The following ADGRB3 variants were observed in gnomAD, a reference collection of about 807,000 sequenced individuals.
ADGRB3 encodes adhesion G protein-coupled receptor B3, also known as brain-specific angiogenesis inhibitor 3.
ADGRB3 carries 37 observed loss-of-function variants against 193.4 expected under a neutral mutation model. The ratio of observed to expected loss-of-function variants is 0.19; its 90% CI spans 0.15 to 0.25. The LOEUF (loss-of-function observed/expected upper bound fraction) is 0.25, where lower values mean the gene tolerates loss of function less well. ADGRB3 is among the 10% of genes least tolerant of loss of function. ADGRB3 has a pLI of 1.00. For missense variants in ADGRB3, 1,637 were observed against 1,852.9 expected, an observed-to-expected ratio of 0.88 and a Z score of 2.14; for synonymous variants, 690 against 644.2, an observed-to-expected ratio of 1.07 and a Z score of -1.08.
intron 20 of ADGRB3, among the ~76,000 whole-genome samples, chr6:69,306,438 G>A (rs547764933): frequency 3.3e-5 from 5 of 151,310 alleles, no homozygotes; most frequent in Admixed American, 2.6e-4. Context: ...CTAAATCATG[G>A]ATTCATTAAG....
intron 3 of ADGRB3, among the ~76,000 whole-genome samples, chr6:68,668,058 G>A (rs1768845387): frequency 6.6e-6 from 1 of 151,830 alleles, no homozygotes; most frequent in Non-Finnish European, 1.5e-5. Context: ...GTACCATGTA[G>A]TATAAGCTAA....
intron 8 of ADGRB3, among the ~76,000 whole-genome samples, chr6:68,973,674 G>A (rs1768652818): frequency 6.6e-6 from 1 of 152,070 alleles, no homozygotes; most frequent in South Asian, 2.1e-4. Flanking sequence ...GCAACTTCAT[G>A]TGGCAAACAC....
At chr6:69,051,706 A>G (rs985246657) in intron 15 of ADGRB3, among the ~76,000 whole-genome samples, 13 of 152,186 alleles carry the variant, frequency 8.5e-5, no homozygotes, top group African/African-American at 3.1e-4. Context: ...TGCACCAATT[A>G]TAGGTCTGCT....
At chr6:68,688,385 T>C (rs1253497883) in intron 3 of ADGRB3, among the ~76,000 whole-genome samples, 1 of 152,152 alleles carries the variant, frequency 6.6e-6, no homozygotes, top group Non-Finnish European at 1.5e-5. Flanking sequence ...AAATATTCTA[T>C]ATTCTAAGAT....
chr6:69,319,257 A>G (rs1768389376), intron 20 of ADGRB3, among the ~76,000 whole-genome samples: 1 of 151,144 alleles, frequency 6.6e-6, no homozygotes, highest in African/African-American at 2.4e-5. Flanking sequence ...GATTATTTAA[A>G]AGCTTTTTCC....
At chr6:68,743,341 GTT>G (rs111910495) in intron 3 of ADGRB3, among the ~76,000 whole-genome samples, 4,909 of 115,786 alleles carry the variant, frequency 0.042, 143 homozygotes, top group African/African-American at 0.088. Context: ...TCTTCTACTT[GTT>G]TTTTTTTTTG....
At chr6:68,817,745 T>G (rs2127378926) in intron 3 of ADGRB3, among the ~76,000 whole-genome samples, 1 of 152,176 alleles carries the variant, frequency 6.6e-6, no homozygotes, top group South Asian at 2.1e-4. Context: ...TTACTGTTTT[T>G]CAAGCCAAAT....
intron 3 of ADGRB3, among the ~76,000 whole-genome samples, chr6:68,854,699 C>A (rs1463221836): frequency 6.6e-6 from 1 of 152,090 alleles, no homozygotes; most frequent in Non-Finnish European, 1.5e-5. Context: ...AGTGTCTGAA[C>A]TTCTAGATCT....
intron 3 of ADGRB3, among the ~76,000 whole-genome samples, chr6:68,703,037 G>T (rs1765269162): frequency 6.6e-6 from 1 of 152,224 alleles, no homozygotes; most frequent in South Asian, 2.1e-4. Flanking sequence ...AAATGCATCA[G>T]ATATAAGATG....
chr6:69,024,820 C>T (rs770442881), intron 13 of ADGRB3, among the ~76,000 whole-genome samples: 2 of 152,100 alleles, frequency 1.3e-5, no homozygotes, highest in East Asian at 1.9e-4. Flanking sequence ...CGACCGGGCA[C>T]GGTGGCTCAC....
intron 15 of ADGRB3, among the ~76,000 whole-genome samples, chr6:69,055,415 T>A (rs1281520343): frequency 6.6e-6 from 1 of 152,232 alleles, no homozygotes; most frequent in African/African-American, 2.4e-5. Flanking sequence ...TTTATTTCAA[T>A]TAGCACAATA....
chr6:68,960,389 T>A (rs531284229), intron 8 of ADGRB3, among the ~76,000 whole-genome samples: 2 of 152,142 alleles, frequency 1.3e-5, no homozygotes, highest in Non-Finnish European at 2.9e-5. Flanking sequence ...TATCTATAAA[T>A]ATTCATACTA....
intron 17 of ADGRB3, among the ~76,000 whole-genome samples, chr6:69,214,300 A>G (rs1765729701): frequency 6.6e-6 from 1 of 152,158 alleles, no homozygotes; most frequent in African/African-American, 2.4e-5. Context: ...GCTTAGTAAT[A>G]CATGACTATA....
At position 69,074,381 on chromosome 6, in the gene ADGRB3, T is replaced by C. The variant is rs554504218; in HGVS notation, c.2437-1614T>C. On this transcript the variant is annotated intron_variant, in intron 16 of 31. Transcript: ENST00000370598. ...ACAAAGGCACACCTCCAAAAGAGCTTCTCTGGACTTTCAAAGATGTTGCTT... is the reference window on the plus strand; with the variant it reads ...ACAAAGGCACACCTCCAAAAGAGCTCCTCTGGACTTTCAAAGATGTTGCTT... Among the ~76,000 whole-genome samples the C allele has an allele frequency of 1.6e-4, 25 of 152,216 alleles. No individual in the cohort carries two copies. In the East Asian group the frequency reaches 4.8e-3, roughly 29 times the overall value.
At chr6:69,190,799 ATTT>A (rs1267002723) in intron 17 of ADGRB3, among the ~76,000 whole-genome samples, 1 of 152,018 alleles carries the variant, frequency 6.6e-6, no homozygotes, top group African/African-American at 2.4e-5. Flanking sequence ...TTTGTACCAT[ATTT>A]TTATTATTTT....
At chr6:68,881,065 T>C (rs1765717018) in intron 3 of ADGRB3, among the ~76,000 whole-genome samples, 1 of 152,118 alleles carries the variant, frequency 6.6e-6, no homozygotes, top group Non-Finnish European at 1.5e-5. Context: ...GCCAGGTAAG[T>C]ACTATGCTCT....
chr6:69,284,461 T>C (rs1351798242), intron 20 of ADGRB3, among the ~76,000 whole-genome samples: 2 of 152,076 alleles, frequency 1.3e-5, no homozygotes, highest in African/African-American at 4.8e-5. Flanking sequence ...CGAGGCAATT[T>C]AAAAGCGTTG....
At chr6:68,741,614 C>T (rs575947644) in intron 3 of ADGRB3, among the ~76,000 whole-genome samples, 91 of 152,290 alleles carry the variant, frequency 6.0e-4, no homozygotes, top group African/African-American at 2.0e-3. Context: ...TCTTAAACTC[C>T]TGAGCTCAAG....
intron 20 of ADGRB3, among the ~76,000 whole-genome samples, chr6:69,309,982 T>C (rs1768149107): frequency 6.6e-6 from 1 of 151,688 alleles, no homozygotes; most frequent in Non-Finnish European, 1.5e-5. Context: ...CACCCTGTCT[T>C]CCTCAACCTT....
Sources: allele counts gnomAD v4.1 joint callset (sites outside exome capture counted in the v4.1 genomes callset), GRCh38; gene constraint gnomAD v4.1.1; transcripts MANE v1.5; gene names NCBI Gene and HGNC (gene_info 2026-07-23, HGNC 2026-07-21).